Variants in PBX1 observed in about 807,000 individuals in gnomAD.
The protein encoded by PBX1 is PBX homeobox 1, also known as pre-B-cell leukemia transcription factor 1.
A neutral mutation model predicts 53.4 loss-of-function variants in PBX1; 6 were observed. The ratio of observed to expected loss-of-function variants is 0.11; its 90% CI spans 0.06 to 0.22. The LOEUF is 0.22. PBX1 is among the 10% of genes least tolerant of loss of function. The pLI is 1.00. For synonymous variants in PBX1, 204 were observed against 212.3 expected, an observed-to-expected ratio of 0.96 and a Z score of 0.34; for missense variants, 251 against 551.4, an observed-to-expected ratio of 0.46 and a Z score of 5.46.
rs1450268136 is a variant in PBX1, at chr1:164,850,762, T to C, written c.*4086T>C. 4.9e-6 allele frequency: 1 copy of C among 204,730 alleles called. No homozygotes were observed. Among genetic ancestry groups the C allele is most frequent in the Non-Finnish European group, 1.0e-5 (1 of 99,994 alleles). 12.7% of individuals were successfully genotyped at this position (204,730 alleles called of 1,614,324 possible). A position where few individuals can be genotyped will look rare whatever the true frequency, so the allele number is the denominator to read the frequency against. ...AGAAAAATAAAATCAGGGACATACT[T>C]CTCCTTTTAGCCTTTTAAAAATTCA... On this transcript the variant is annotated 3_prime_UTR_variant, in exon 9 of 9. Transcript: ENST00000420696.
At chr1:164,766,560 ACAG>A (rs1667065414) in intron 2 of PBX1, among the ~76,000 whole-genome samples, 1 of 152,166 alleles carries the variant, frequency 6.6e-6, no homozygotes, top group Non-Finnish European at 1.5e-5. Context: ...TCATGGTCAC[ACAG>A]CTAGTGAGAA....
rs571093475 is a variant in PBX1 at position 164,620,984 on chromosome 1, TA to T, written c.265+57682del. On this transcript the variant is annotated intron_variant, in intron 2 of 8. Transcript: ENST00000420696. ...AGGCGTGAGCCACTGCGCCCGGCATTAAAAAAAAATTAATTAATTTTTTGAG... is the reference window on the plus strand; with the variant it reads ...AGGCGTGAGCCACTGCGCCCGGCATTAAAAAAAATTAATTAATTTTTTGAG... Among the ~76,000 whole-genome samples, 9 of 148,314 alleles carry T rather than the reference TA, an allele frequency of 6.1e-5. No homozygotes were observed. The South Asian group carries it at 6.5e-4, about 11-fold the overall frequency.
At chr1:164,600,246 CTTTTTTTTT>C (rs71097539) in intron 2 of PBX1, among the ~76,000 whole-genome samples, 1 of 121,876 alleles carries the variant, frequency 8.2e-6, no homozygotes, top group African/African-American at 2.9e-5. Flanking sequence ...TATGCTGCTG[CTTTTTTTTT>C]TTTTTTTTTT....
chr1:164,646,916 C>T (rs1250319276), intron 2 of PBX1, among the ~76,000 whole-genome samples: 1 of 152,216 alleles, frequency 6.6e-6, no homozygotes, highest in Admixed American at 6.5e-5. Context: ...GCTGTGCACT[C>T]ATACCTTTAG....
chr1:164,820,653 T>A (rs1006593068), intron 7 of PBX1, among the ~76,000 whole-genome samples: 4 of 152,238 alleles, frequency 2.6e-5, no homozygotes, highest in Non-Finnish European at 5.9e-5. Context: ...CCAGCCAGGT[T>A]GACTAAATAC....
intron 2 of PBX1, among the ~76,000 whole-genome samples, chr1:164,581,377 G>C (rs1654609073): frequency 6.6e-6 from 1 of 151,966 alleles, no homozygotes; most frequent in Admixed American, 6.6e-5. Flanking sequence ...ACAGGCACGG[G>C]CCACCGCGCC....
intron 2 of PBX1, among the ~76,000 whole-genome samples, chr1:164,712,911 T>C (rs1392567276): frequency 6.6e-6 from 1 of 152,190 alleles, no homozygotes; most frequent in Non-Finnish European, 1.5e-5. Context: ...TCTGTCTAAA[T>C]CCATTTTGCC....
chr1:164,640,651 G>C (rs1659080289), intron 2 of PBX1, among the ~76,000 whole-genome samples: 1 of 150,750 alleles, frequency 6.6e-6, no homozygotes, highest in African/African-American at 2.4e-5. Context: ...CTGCCTCCCA[G>C]GGTCAAACAA....
chr1:164,795,764 A>AT (rs1668754087), intron 3 of PBX1, among the ~76,000 whole-genome samples: 1 of 152,018 alleles, frequency 6.6e-6, no homozygotes. Flanking sequence ...CCTTATGGGG[A>AT]TTTTTTAAAA....
At chr1:164,732,878 T>A (rs1665074000) in intron 2 of PBX1, among the ~76,000 whole-genome samples, 1 of 151,732 alleles carries the variant, frequency 6.6e-6, no homozygotes, top group South Asian at 2.1e-4. Context: ...TCGTCTGAAT[T>A]CTCAAAGACA....
chr1:164,849,265 C>T lies in PBX1; in HGVS notation c.*2589C>T, dbSNP rs1395142285. 14 of 1,529,020 alleles carry T rather than the reference C, an allele frequency of 9.2e-6. No homozygotes were observed. Among genetic ancestry groups the T allele is most frequent in the East Asian group, 7.4e-5 (3 of 40,788 alleles). The allele number at this position is 1,529,020 out of a possible 1,614,324, so 94.7% of individuals were successfully genotyped here. A position where few individuals can be genotyped will look rare whatever the true frequency, so the allele number is the denominator to read the frequency against. Reference sequence around the variant, plus strand: ...TTGCACAGGCAGTTTCTCTCCGGGCCGTAGTTTTCACTGATGATCACCTTT... The same window carrying T: ...TTGCACAGGCAGTTTCTCTCCGGGCTGTAGTTTTCACTGATGATCACCTTT... On this transcript the variant is annotated 3_prime_UTR_variant, in exon 9 of 9. Transcript: ENST00000420696.
intron 2 of PBX1, among the ~76,000 whole-genome samples, chr1:164,763,601 A>T (rs2789442): frequency 6.6e-6 from 1 of 152,010 alleles, no homozygotes; most frequent in African/African-American, 2.4e-5. Context: ...ACCAAGAAAG[A>T]TAGACCGAGG....
chr1:164,660,364 C>T (rs577227824), intron 2 of PBX1, among the ~76,000 whole-genome samples: 2 of 152,262 alleles, frequency 1.3e-5, no homozygotes, highest in African/African-American at 4.8e-5. Context: ...TGAAAAGCAC[C>T]TGCCAGGGAG....
At chr1:164,832,236 AT>A (rs1670803874) in intron 8 of PBX1, among the ~76,000 whole-genome samples, 2 of 152,300 alleles carry the variant, frequency 1.3e-5, no homozygotes, top group South Asian at 4.1e-4. Flanking sequence ...GGTGATAAGC[AT>A]TTTGGAGACC....
intron 2 of PBX1, among the ~76,000 whole-genome samples, chr1:164,584,742 G>T (rs1348154665): frequency 6.6e-6 from 1 of 152,114 alleles, no homozygotes; most frequent in African/African-American, 2.4e-5. Flanking sequence ...TAGGAAGCTG[G>T]CTGGACACAA....
rs563815654 is a variant in PBX1 at position 164,629,924 on chromosome 1, AT to A, written c.265+66619del. Among the ~76,000 whole-genome samples the A allele has an allele frequency of 9.2e-5, 14 of 152,304 alleles. No homozygotes were observed. In the South Asian group the frequency reaches 2.5e-3, roughly 27 times the overall value. On this transcript the variant is annotated intron_variant, in intron 2 of 8. Coordinates refer to ENST00000420696, the MANE Select transcript of PBX1 (RefSeq NM_002585.4). ...TATATATGACTACATATATTTATAT[AT>A]TTTTTATGGGCAATATTTTGACTGT...
chr1:164,820,468 A>G (rs1198509126), intron 7 of PBX1, among the ~76,000 whole-genome samples: 1 of 152,190 alleles, frequency 6.6e-6, no homozygotes, highest in East Asian at 1.9e-4. Context: ...TGGAACCAGC[A>G]TATTCTTTAT....
At chr1:164,564,472 A>C (rs1653290805) in intron 2 of PBX1, among the ~76,000 whole-genome samples, 1 of 152,156 alleles carries the variant, frequency 6.6e-6, no homozygotes, top group Non-Finnish European at 1.5e-5. Flanking sequence ...TTCTTTTAAA[A>C]AAATAGTTTC....
At chr1:164,835,193 T>C (rs1261410609) in intron 8 of PBX1, among the ~76,000 whole-genome samples, 1 of 151,994 alleles carries the variant, frequency 6.6e-6, no homozygotes, top group Non-Finnish European at 1.5e-5. Flanking sequence ...CCACAATGTG[T>C]TTAATCAATT....
Sources: allele counts gnomAD v4.1 joint callset (sites outside exome capture counted in the v4.1 genomes callset), GRCh38; gene constraint gnomAD v4.1.1; transcripts MANE v1.5; gene names NCBI Gene and HGNC (gene_info 2026-07-23, HGNC 2026-07-21).